Variants in STKLD1 observed in about 807,000 individuals in gnomAD.
The protein encoded by STKLD1 is serine/threonine kinase like domain containing 1.
Under a neutral mutation model 80.4 loss-of-function variants are expected in STKLD1, and 79 were observed. The observed-to-expected ratio is 0.98, with a 90% CI of 0.82 to 1.19. STKLD1 has a LOEUF of 1.19. STKLD1 is among the 50% of genes most tolerant of loss of function. The pLI is 0.00. For synonymous variants in STKLD1, 393 were observed against 357.6 expected (o/e 1.10, Z -1.12); for missense variants, 841 against 856.0 (o/e 0.98, Z 0.22).
rs2130279966 is a variant in STKLD1 at position 133,387,553 on chromosome 9, G to A, written c.396+5G>A. The A allele has an allele frequency of 3.7e-6, 6 of 1,612,260 alleles. No individual in the cohort carries two copies. Among genetic ancestry groups the A allele is most frequent in the East Asian group, 4.5e-5 (2 of 44,864 alleles). ...AAGAAAATCATTGACTCTGAGGTGA[G>A]GTCCTTTGGGGCACCAGGCCTGGGG... On this transcript the variant is annotated splice_donor_5th_base_variant and intron_variant, in intron 5 of 17. Coordinates refer to ENST00000371957, the MANE Select transcript of STKLD1 (RefSeq NM_153710.5).
At position 133,385,049 on chromosome 9, in the gene STKLD1, G is replaced by T. The variant is rs943197974; in HGVS notation, c.220-568G>T. The stretch of plus-strand genomic sequence containing the variant: ...AAGAGCATGGGGCCTGCCCAGAGCC[G>T]CACGCCGCCGTGGCTTTTCACGTTG... On this transcript the variant is annotated intron_variant, in intron 3 of 17. Coordinates refer to ENST00000371957, the MANE Select transcript of STKLD1 (RefSeq NM_153710.5). This position sits in a 1 kb window ranked among gnomAD's most constrained non-coding sequence, Gnocchi z 4.9. Among the ~76,000 whole-genome samples, 1 of 152,086 alleles carries T rather than the reference G, an allele frequency of 6.6e-6. No individual in the cohort carries two copies. Among genetic ancestry groups the T allele is most frequent in the Admixed American group, 6.5e-5 (1 of 15,278 alleles).
chr9:133,397,133 G>A, intron 9 of STKLD1, 31 bp from the exon 10 acceptor site: 2 of 1,613,018 alleles, frequency 1.2e-6, no homozygotes, highest in Non-Finnish European at 1.7e-6. Context: ...GGCGCTGCTG[G>A]GTTACTCAGC....
chr9:133,381,448 C>T (rs2130266249), intron 2 of STKLD1, among the ~76,000 whole-genome samples: 95 of 126,320 alleles, frequency 7.5e-4, no homozygotes, highest in Non-Finnish European at 1.1e-3. Context: ...CCCACCCAGC[C>T]GCTTTTTTTT....
chr9:133,403,902 C>A lies in STKLD1; in HGVS notation c.1604-18C>A. On this transcript the variant is annotated intron_variant, in intron 15 of 17. Coordinates refer to ENST00000371957, the MANE Select transcript of STKLD1 (RefSeq NM_153710.5). ...TCATGGCACAGCAGGCACAAGGCAG[C>A]CCGGCCCCTTTCTGCAGGCTGCATC... The A allele has an allele frequency of 4.4e-6, 7 of 1,606,784 alleles. No individual in the cohort carries two copies. The highest frequency in any genetic ancestry group is 3.3e-5 in the South Asian group (3 of 90,458).
At position 133,389,621 on chromosome 9, in the gene STKLD1, G is replaced by A. The variant is rs2130284723; in HGVS notation, c.467+25G>A. 1.3e-5 allele frequency: 21 copies of A among 1,612,644 alleles called. No individual in the cohort carries two copies. Among genetic ancestry groups the A allele is most frequent in the African/African-American group, 4.0e-5 (3 of 74,888 alleles). On this transcript the variant is annotated intron_variant, in intron 6 of 17. Transcript: ENST00000371957. The surrounding 1 kb of genome is among the most constrained non-coding windows in gnomAD (Gnocchi z 6.4). ...GGTAAGTGGGGCCCCTGACCTCTGCGGACTGGCTGGCTGCTTCGGGAGAAA... is the reference window on the plus strand; with the variant it reads ...GGTAAGTGGGGCCCCTGACCTCTGCAGACTGGCTGGCTGCTTCGGGAGAAA...
chr9:133,399,328 C>T (rs587698419), intron 11 of STKLD1, among the ~76,000 whole-genome samples: 2 of 152,334 alleles, frequency 1.3e-5, no homozygotes, highest in East Asian at 1.9e-4. Flanking sequence ...TGCAGTGGCT[C>T]GGGCCTCAGA....
At chr9:133,401,602 T>C (rs1588756147) in intron 12 of STKLD1, 136 bp from the exon 13 acceptor site, 1 of 1,132,390 alleles carries the variant, frequency 8.8e-7, no homozygotes, top group Non-Finnish European at 1.2e-6. Flanking sequence ...AGGCCTGCTC[T>C]GGGTCAGAAC....
intron 1 of STKLD1, 34 bp from the exon 2 acceptor site, chr9:133,379,002 A>G (rs1030905104): frequency 3.1e-6 from 5 of 1,594,790 alleles, no homozygotes; most frequent in Non-Finnish European, 4.3e-6. Context: ...AGTTGTGTGC[A>G]TTTCCTGAAA....
intron 9 of STKLD1, among the ~76,000 whole-genome samples, chr9:133,396,289 G>T (rs1448994412): frequency 6.6e-6 from 1 of 152,120 alleles, no homozygotes; most frequent in Non-Finnish European, 1.5e-5. Flanking sequence ...CAAAAAATTA[G>T]CTGGGTGTAG....
At chr9:133,398,808 T>C (rs1000613058) in intron 11 of STKLD1, among the ~76,000 whole-genome samples, 2 of 151,804 alleles carry the variant, frequency 1.3e-5, no homozygotes, top group Non-Finnish European at 2.9e-5. Context: ...TTACTGCTCA[T>C]TCATGGAGAG....
rs2130266074 is a variant in STKLD1, at chr9:133,381,428, C to T, written c.174+2306C>T. ...CCTCCCAAAGTGCTGGGATTACAGGCGTGAGCCACCCCACCCAGCCGCTTT... is the reference window on the plus strand; with the variant it reads ...CCTCCCAAAGTGCTGGGATTACAGGTGTGAGCCACCCCACCCAGCCGCTTT... On this transcript the variant is annotated intron_variant, in intron 2 of 17. Transcript: ENST00000371957. Among the ~76,000 whole-genome samples, 16 of 143,836 alleles carry T rather than the reference C, an allele frequency of 1.1e-4. No individual in the cohort carries two copies. The South Asian group carries it at 1.8e-3, about 16-fold the overall frequency. 94.4% of individuals were successfully genotyped at this position (143,836 alleles called of 152,430 possible). A position where few individuals can be genotyped will look rare whatever the true frequency, so the allele number is the denominator to read the frequency against.
At chr9:133,392,627 A>G (rs1231844962) in intron 7 of STKLD1, among the ~76,000 whole-genome samples, 6 of 68,642 alleles carry the variant, frequency 8.7e-5, no homozygotes, top group African/African-American at 2.2e-4. Flanking sequence ...GGATGGATGG[A>G]TGGATGGATG....
Position 133,400,398 on chromosome 9 carries a change from C to T in STKLD1, c.1082-15C>T, listed in dbSNP as rs782532891. The T allele has an allele frequency of 1.6e-5, 25 of 1,604,858 alleles. No homozygotes were observed. In the East Asian group the frequency reaches 2.5e-4, roughly 16 times the overall value. On this transcript the variant is annotated splice_polypyrimidine_tract_variant and intron_variant, in intron 11 of 17. Transcript: ENST00000371957. ...GGCCCAAAATGAGTCTCCCCTGTGC[C>T]GCCCGCCCTGCCAGGTCTGCCGTGG...
Position 133,394,110 on chromosome 9 carries a change from C to G in STKLD1, c.584-181C>G, listed in dbSNP as rs1282153376. The G allele has an allele frequency of 1.6e-6, 1 of 632,010 alleles. No homozygotes were observed. Among genetic ancestry groups the G allele is most frequent in the Non-Finnish European group, 2.9e-6 (1 of 350,814 alleles). The allele number at this position is 632,010 out of a possible 1,614,324, so 39.2% of individuals were successfully genotyped here. A position where few individuals can be genotyped will look rare whatever the true frequency, so the allele number is the denominator to read the frequency against. On this transcript the variant is annotated intron_variant, in intron 7 of 17. Transcript: ENST00000371957. The surrounding 1 kb of genome is among the most constrained non-coding windows in gnomAD (Gnocchi z 4.9). ...ACACAAAGCTCCCGCTGATTGGGGC[C>G]TCTTCCTCCCCACAGTTAATATTCT...
At chr9:133,398,565 G>A (rs1554777060) in intron 11 of STKLD1, among the ~76,000 whole-genome samples, 2 of 152,190 alleles carry the variant, frequency 1.3e-5, no homozygotes, top group Non-Finnish European at 2.9e-5. Context: ...GACTGCTTGA[G>A]CCCAGGGATT....
At chr9:133,381,655 G>A (rs1838138175) in intron 2 of STKLD1, among the ~76,000 whole-genome samples, 1 of 151,110 alleles carries the variant, frequency 6.6e-6, no homozygotes. Flanking sequence ...TCTCCATATT[G>A]GTCAGGCTGG....
chr9:133,404,374 C>T (rs1421684433), intron 16 of STKLD1, among the ~76,000 whole-genome samples: 1 of 152,192 alleles, frequency 6.6e-6, no homozygotes, highest in Non-Finnish European at 1.5e-5. Context: ...CAATTCCCCA[C>T]AACACAAACC....
chr9:133,386,865 A>G (rs1838275695), intron 4 of STKLD1, among the ~76,000 whole-genome samples: 1 of 152,208 alleles, frequency 6.6e-6, no homozygotes, highest in South Asian at 2.1e-4. Context: ...TGGGGCCAAC[A>G]ATCCCGGGTC....
chr9:133,398,104 A>G, intron 11 of STKLD1, 49 bp downstream of exon 11: 2 of 1,570,916 alleles, frequency 1.3e-6, no homozygotes, highest in Non-Finnish European at 1.7e-6. Flanking sequence ...TAGGGGCAGA[A>G]GCTATGGTCC....
Sources: allele counts gnomAD v4.1 joint callset (sites outside exome capture counted in the v4.1 genomes callset), GRCh38; gene constraint gnomAD v4.1.1; non-coding constraint Gnocchi (gnomAD v3.1); transcripts MANE v1.5; gene names NCBI Gene and HGNC (gene_info 2026-07-23, HGNC 2026-07-21).